GSDMC: variants seen among roughly 807,000 people sequenced by gnomAD.
GSDMC encodes the protein gasdermin C.
In GSDMC, 59 loss-of-function variants were observed where a neutral mutation model predicts 58.0. The observed-to-expected ratio is 1.02, with a 90% CI of 0.82 to 1.26. The LOEUF is 1.26. GSDMC is among the 50% of genes most tolerant of loss of function. The pLI is 0.00. For missense variants in GSDMC, 659 were observed against 598.5 expected (o/e 1.10, Z -1.06); for synonymous variants, 241 against 220.2 (o/e 1.09, Z -0.83).
the GSDMC span, among the ~76,000 whole-genome samples, chr8:129,710,375 C>T: frequency 6.6e-6 from 1 of 152,290 alleles, no homozygotes; most frequent in Admixed American, 6.5e-5. Context: ...ATCCTTGCAC[C>T]GGCCAACATG....
the GSDMC span, among the ~76,000 whole-genome samples, chr8:129,722,392 T>C: frequency 6.6e-6 from 1 of 152,330 alleles, no homozygotes; most frequent in East Asian, 1.9e-4. Flanking sequence ...GTGTAGCTTA[T>C]AAACAAGTCT....
chr8:129,740,723 G>A, the GSDMC span, among the ~76,000 whole-genome samples: 1 of 151,994 alleles, frequency 6.6e-6, no homozygotes, highest in African/African-American at 2.4e-5. Context: ...ATTTATACAC[G>A]ACTATATATT....
In GSDMC at chr8:129,765,623, T is replaced by C; in HGVS notation, c.570+5A>G. ...TTTCAATCCCACTTCAGGACAACTT[T>C]ATACCTTGCCATAGGTAATCCAAAG... On this transcript the variant is annotated splice_donor_5th_base_variant and intron_variant, in intron 4 of 13. Coordinates refer to ENST00000276708, the MANE Select transcript of GSDMC (RefSeq NM_031415.3). 6.2e-7 allele frequency: 1 copy of C among 1,610,502 alleles called. No individual in the cohort carries two copies. Among genetic ancestry groups the C allele is most frequent in the Non-Finnish European group, 8.5e-7 (1 of 1,176,774 alleles).
chr8:129,742,623 G>T, the GSDMC span, among the ~76,000 whole-genome samples: 1 of 152,086 alleles, frequency 6.6e-6, no homozygotes, highest in South Asian at 2.1e-4. Context: ...ACTCGAGGAG[G>T]TTCTTAGGCT....
chr8:129,754,262 T>C (rs545316117), intron 6 of GSDMC, among the ~76,000 whole-genome samples: 5 of 152,138 alleles, frequency 3.3e-5, no homozygotes. Flanking sequence ...ACAGGGGTGC[T>C]TGCATCACCA....
At chr8:129,769,558 C>T (rs2033983569) in intron 3 of GSDMC, among the ~76,000 whole-genome samples, 1 of 152,114 alleles carries the variant, frequency 6.6e-6, no homozygotes, top group Non-Finnish European at 1.5e-5. Flanking sequence ...CAGAAGCAAA[C>T]ACATGAGACA....
rs374264508 is a variant in GSDMC, at chr8:129,762,614, C to T, written c.676+12G>A. 2.6e-5 allele frequency: 41 copies of T among 1,557,650 alleles called. No homozygotes were observed. Among genetic ancestry groups the T allele is most frequent in the Admixed American group, 6.7e-5 (4 of 59,918 alleles). On this transcript the variant is annotated intron_variant, in intron 5 of 13. Coordinates refer to ENST00000276708, the MANE Select transcript of GSDMC (RefSeq NM_031415.3). The stretch of plus-strand genomic sequence containing the variant: ...CACTGCCATCTGCCTTGCTGAGCTC[C>T]GCTGCTCCCACCTTTCTCCTTGATA...
At chr8:129,707,879 T>C in the GSDMC span, among the ~76,000 whole-genome samples, 1 of 152,236 alleles carries the variant, frequency 6.6e-6, no homozygotes, top group South Asian at 2.1e-4. Flanking sequence ...TGGTGGTTCA[T>C]GCTTCTTTGA....
chr8:129,766,045 T>G (rs924402862), intron 3 of GSDMC, among the ~76,000 whole-genome samples: 9 of 152,180 alleles, frequency 5.9e-5, no homozygotes, highest in African/African-American at 1.9e-4. Flanking sequence ...TTTTACTAAA[T>G]TATACTGGTC....
downstream of GSDMC, among the ~76,000 whole-genome samples, chr8:129,744,493 T>C (rs2032924214): frequency 1.3e-5 from 2 of 152,154 alleles, no homozygotes; most frequent in African/African-American, 2.4e-5. Flanking sequence ...ACAGTTAGAA[T>C]TGGGTTGAGA....
chr8:129,776,333 G>T, intron 2 of GSDMC, 48 bp from the exon 3 acceptor site: 2 of 1,454,738 alleles, frequency 1.4e-6, no homozygotes, highest in Non-Finnish European at 1.9e-6. Context: ...ATTCATTCAA[G>T]AATTCAAAGG....
At chr8:129,778,321 T>G (rs1025548450) in intron 1 of GSDMC, among the ~76,000 whole-genome samples, 3 of 152,122 alleles carry the variant, frequency 2.0e-5, no homozygotes, top group Non-Finnish European at 4.4e-5. Flanking sequence ...TGAGGGCAAG[T>G]TGGTGAAGGC....
At chr8:129,743,326 A>G (rs2032903265), downstream of GSDMC, among the ~76,000 whole-genome samples, 1 of 152,034 alleles carries the variant, frequency 6.6e-6, no homozygotes, top group Non-Finnish European at 1.5e-5. Context: ...CTTAAATTTC[A>G]TTTATCATTC....
chr8:129,726,889 A>G, the GSDMC span, among the ~76,000 whole-genome samples: 1 of 151,914 alleles, frequency 6.6e-6, no homozygotes, highest in Non-Finnish European at 1.5e-5. Context: ...AAGCCCAGTT[A>G]CAGCAGCTCA....
At chr8:129,737,096 C>T in the GSDMC span, among the ~76,000 whole-genome samples, 1 of 152,072 alleles carries the variant, frequency 6.6e-6, no homozygotes, top group South Asian at 2.1e-4. Context: ...ATGTGAAGGA[C>T]CTCTTCAAGG....
At position 129,748,708 on chromosome 8, in the gene GSDMC, G is replaced by A. The variant is rs34385086; in HGVS notation, c.1320C>T (p.Tyr440=). Residue 440 remains tyrosine (Y), a synonymous_variant, in exon 14 of 14, where the codon TAC becomes TAT. Coordinates refer to ENST00000276708, the MANE Select transcript of GSDMC (RefSeq NM_031415.3). ...TGAGGGTGAAGGGAATGCTCCAGGGGTATCTGAAGTTTGGCTCCAGGATGC... is the reference window on the plus strand; with the variant it reads ...TGAGGGTGAAGGGAATGCTCCAGGGATATCTGAAGTTTGGCTCCAGGATGC... The part of the protein sequence containing the change: ...VRSILEPNFR[Y]PWSIPFTLKP... 0.021 allele frequency: 32,389 copies of A among 1,552,310 alleles called. 395 individuals carry two copies. The highest frequency in any genetic ancestry group is 0.062 in the Middle Eastern group (359 of 5,772).
At chr8:129,728,550 C>A in the GSDMC span, among the ~76,000 whole-genome samples, 1 of 152,222 alleles carries the variant, frequency 6.6e-6, no homozygotes, top group Non-Finnish European at 1.5e-5. Context: ...TGCAGGTGTA[C>A]CCCCAATGAG....
the GSDMC span, among the ~76,000 whole-genome samples, chr8:129,710,192 G>T: frequency 6.6e-6 from 1 of 152,146 alleles, no homozygotes; most frequent in Non-Finnish European, 1.5e-5. Context: ...GAGCATTATA[G>T]ATTTCTTTTG....
chr8:129,750,130 C>G lies in GSDMC; in HGVS notation c.1084-11G>C, dbSNP rs1586573306. The stretch of plus-strand genomic sequence containing the variant: ...GCTGTCCAATTCCAGCTATAGAAGA[C>G]AGGTATTATTGTTAATAATAATACT... On this transcript the variant is annotated splice_polypyrimidine_tract_variant and intron_variant, in intron 11 of 13. Transcript: ENST00000276708. 9 of 1,547,158 alleles carry G rather than the reference C, an allele frequency of 5.8e-6. No homozygotes were observed. Among genetic ancestry groups the G allele is most frequent in the Middle Eastern group, 1.7e-4 (1 of 5,740 alleles).
Sources: allele counts gnomAD v4.1 joint callset (sites outside exome capture counted in the v4.1 genomes callset), GRCh38; gene constraint gnomAD v4.1.1; transcripts MANE v1.5; gene names NCBI Gene and HGNC (gene_info 2026-07-23, HGNC 2026-07-21).